ERCC8: variants seen among roughly 807,000 people sequenced by gnomAD.
ERCC8 encodes DNA excision repair protein ERCC-8.
ERCC8 carries 52 observed loss-of-function variants against 54.9 expected under a neutral mutation model. The observed-to-expected ratio is 0.95, with a 90% CI of 0.76 to 1.19. The LOEUF (loss-of-function observed/expected upper bound fraction) is 1.19, where lower values mean the gene tolerates loss of function less well. ERCC8 is among the 50% of genes most tolerant of loss of function. The probability of loss-of-function intolerance (pLI) is 0.00; values close to 1 mark genes in which losing one functional copy is unlikely to be tolerated. For missense variants in ERCC8, 514 were observed against 466.1 expected (o/e 1.10, Z -0.95); for synonymous variants, 146 against 157.2 (o/e 0.93, Z 0.53).
At position 60,874,060 on chromosome 5, in the gene ERCC8, G is replaced by C. The variant is rs991236340; in HGVS notation, c.*555C>G. On this transcript the variant is annotated 3_prime_UTR_variant, in exon 12 of 12. Coordinates refer to ENST00000676185, the MANE Select transcript of ERCC8 (RefSeq NM_000082.4). Reference sequence around the variant, plus strand: ...CCTCCTGTGATGCACATTTTGGATAGTAGGAGACATTGAGCCCCAAAATGT... The same window carrying C: ...CCTCCTGTGATGCACATTTTGGATACTAGGAGACATTGAGCCCCAAAATGT... 6.6e-6 allele frequency: 1 copy of C among 152,368 alleles called. No individual in the cohort carries two copies. The highest frequency in any genetic ancestry group is 2.1e-4 in the South Asian group (1 of 4,832). The allele number at this position is 152,368 out of a possible 1,614,324, so 9.4% of individuals were successfully genotyped here.
intron 1 of ERCC8, among the ~76,000 whole-genome samples, chr5:60,943,953 T>C (rs1750344643): frequency 6.6e-6 from 1 of 152,234 alleles, no homozygotes; most frequent in African/African-American, 2.4e-5. Flanking sequence ...TGGAAACTAA[T>C]ATTTAAATTT....
intron 1 of ERCC8, among the ~76,000 whole-genome samples, chr5:60,943,060 C>T (rs923809944): frequency 1.3e-5 from 2 of 152,064 alleles, no homozygotes; most frequent in African/African-American, 2.4e-5. Flanking sequence ...CACTTCAGCC[C>T]AGGAGTTCAA....
At chr5:60,944,705 A>ACCCCCC (rs34115919) in intron 1 of ERCC8, among the ~76,000 whole-genome samples, 1 of 96,068 alleles carries the variant, frequency 1.0e-5, no homozygotes, top group African/African-American at 4.2e-5. Flanking sequence ...CCGCGGGGGA[A>ACCCCCC]CCCCCCCCCC....
chr5:60,891,906 C>A (rs183902719), intron 9 of ERCC8: 3 of 480,392 alleles, frequency 6.2e-6, no homozygotes, highest in African/African-American at 2.0e-5. Flanking sequence ...GTGCTTGGAT[C>A]GGAAGGGAAG....
chr5:60,887,583 T>C, intron 10 of ERCC8, 63 bp from the exon 11 acceptor site: 2 of 1,189,824 alleles, frequency 1.7e-6, no homozygotes, highest in Non-Finnish European at 2.5e-6. Flanking sequence ...TGAAATGAAT[T>C]ATATCATTTT....
chr5:60,890,702 T>C (rs1377493018), intron 10 of ERCC8, among the ~76,000 whole-genome samples, 187 bp downstream of exon 10: 2 of 152,254 alleles, frequency 1.3e-5, no homozygotes, highest in Non-Finnish European at 2.9e-5. Flanking sequence ...CAGTATTATA[T>C]TGATTCATTC....
intron 1 of ERCC8, 102 bp downstream of exon 1, chr5:60,944,830 G>T (rs1750386339): frequency 3.5e-6 from 3 of 859,406 alleles, no homozygotes; most frequent in Admixed American, 1.8e-5. Flanking sequence ...ATAATAGTTT[G>T]GTGGCAGGAG....
At chr5:60,893,773 C>A in intron 9 of ERCC8, 1 of 307,874 alleles carries the variant, frequency 3.2e-6, no homozygotes, top group Non-Finnish European at 5.9e-6. Flanking sequence ...TTCTCCCTTC[C>A]CTTTATAGTT....
At position 60,908,583 on chromosome 5, in the gene ERCC8, A is replaced by ATTTT. The variant is rs3031040; in HGVS notation, c.400-3714_400-3711dup. Among the ~76,000 whole-genome samples, 383 of 141,872 alleles carry ATTTT rather than the reference A, an allele frequency of 2.7e-3. 6 individuals are homozygous for ATTTT. Among genetic ancestry groups the ATTTT allele is most frequent in the East Asian group, 0.023 (111 of 4,894 alleles). The allele number at this position is 141,872 out of a possible 152,430, so 93.1% of individuals were successfully genotyped here. A position where few individuals can be genotyped will look rare whatever the true frequency, so the allele number is the denominator to read the frequency against. ...TAAATACATATATATATATATATAT[A>ATTTT]TTTTTTTTTTAAATAATGGCTTTGT... On this transcript the variant is annotated intron_variant, in intron 4 of 11. Coordinates refer to ENST00000676185, the MANE Select transcript of ERCC8 (RefSeq NM_000082.4).
At chr5:60,927,289 G>A (rs1302234268) in intron 2 of ERCC8, among the ~76,000 whole-genome samples, 1 of 152,170 alleles carries the variant, frequency 6.6e-6, no homozygotes, top group African/African-American at 2.4e-5. Context: ...ATTAACAGGT[G>A]TTTTGAACAA....
intron 1 of ERCC8, among the ~76,000 whole-genome samples, chr5:60,940,202 T>C (rs777679754): frequency 2.6e-5 from 4 of 152,150 alleles, no homozygotes; most frequent in Non-Finnish European, 5.9e-5. Context: ...AATACTACTA[T>C]AAAAACTAAA....
intron 11 of ERCC8, among the ~76,000 whole-genome samples, chr5:60,885,465 T>C (rs1299942740): frequency 6.6e-6 from 1 of 152,202 alleles, no homozygotes; most frequent in African/African-American, 2.4e-5. Context: ...AGTGTTAACT[T>C]GGGTTTAATG....
chr5:60,881,246 C>T (rs190933905), intron 11 of ERCC8, among the ~76,000 whole-genome samples: 1 of 152,166 alleles, frequency 6.6e-6, no homozygotes, highest in African/African-American at 2.4e-5. Flanking sequence ...GTGCACCTGG[C>T]TCTGTGAGGT....
intron 4 of ERCC8, chr5:60,917,874 C>A: frequency 4.9e-6 from 1 of 203,096 alleles, no homozygotes; most frequent in Non-Finnish European, 1.0e-5. Context: ...AAAGATAAAT[C>A]CAATTTTCTA....
chr5:60,937,348 G>A (rs938537789), intron 1 of ERCC8, among the ~76,000 whole-genome samples: 1 of 152,288 alleles, frequency 6.6e-6, no homozygotes, highest in African/African-American at 2.4e-5. Flanking sequence ...TGGGCAGGCC[G>A]ATAGAGCTCC....
intron 9 of ERCC8, among the ~76,000 whole-genome samples, chr5:60,894,915 A>T (rs1396616151): frequency 6.6e-6 from 1 of 152,148 alleles, no homozygotes; most frequent in African/African-American, 2.4e-5. Context: ...TCACTCCCGT[A>T]ATCCCAGCAG....
chr5:60,881,829 C>T (rs1748242040), intron 11 of ERCC8, among the ~76,000 whole-genome samples: 1 of 152,208 alleles, frequency 6.6e-6, no homozygotes, highest in African/African-American at 2.4e-5. Flanking sequence ...ATGCCTCACC[C>T]TGCTTTGGCT....
intron 11 of ERCC8, among the ~76,000 whole-genome samples, chr5:60,880,190 G>T (rs1263570336): frequency 6.6e-6 from 1 of 152,098 alleles, no homozygotes; most frequent in Non-Finnish European, 1.5e-5. Flanking sequence ...GTTGAATATT[G>T]GCCCCCACTC....
At chr5:60,881,624 T>G (rs13358851) in intron 11 of ERCC8, among the ~76,000 whole-genome samples, 1 of 152,146 alleles carries the variant, frequency 6.6e-6, no homozygotes, top group Non-Finnish European at 1.5e-5. Flanking sequence ...GTGCTAGCAA[T>G]GGGCGAGGCT....
Sources: gnomAD v4.1 joint callset for allele counts (sites outside exome capture counted in the v4.1 genomes callset) on GRCh38, gnomAD v4.1.1 for gene constraint, MANE v1.5 for transcripts, NCBI Gene and HGNC (gene_info 2026-07-23, HGNC 2026-07-21) for gene names.